Variants in HIP1 observed in about 807,000 individuals in gnomAD.
The protein encoded by HIP1 is huntingtin interacting protein 1.
HIP1 carries 65 observed loss-of-function variants against 147.6 expected under a neutral mutation model. That is an observed-to-expected ratio of 0.44 (90% CI 0.36 to 0.54). The LOEUF (loss-of-function observed/expected upper bound fraction) is 0.54, where lower values mean the gene tolerates loss of function less well. Ranked by LOEUF, HIP1 falls within the 20% of genes least tolerant of loss-of-function variation. The pLI, the probability that HIP1 is intolerant of heterozygous loss-of-function variation, is 0.00. For missense variants in HIP1, 1,061 were observed against 1,299.6 expected (o/e 0.82, Z 2.82); for synonymous variants, 479 against 504.0 (o/e 0.95, Z 0.67).
intron 1 of HIP1, chr7:75,611,885 T>C (rs1437068664): frequency 1.3e-5 from 13 of 1,015,232 alleles, no homozygotes; most frequent in Non-Finnish European, 1.5e-5. Context: ...CCAGCCTCTC[T>C]TCCTCCCTCC....
At chr7:75,570,267 C>G (rs1232894653) in intron 8 of HIP1, among the ~76,000 whole-genome samples, 1 of 147,806 alleles carries the variant, frequency 6.8e-6, no homozygotes, top group African/African-American at 2.5e-5. Flanking sequence ...AAGGTATCAA[C>G]ACTGGTTAAT....
intron 1 of HIP1, among the ~76,000 whole-genome samples, chr7:75,682,018 CTTTTTTTTTTTTTTTT>C (rs71098063): frequency 2.4e-5 from 2 of 84,214 alleles, no homozygotes; most frequent in Non-Finnish European, 4.3e-5. Context: ...GCAACAACCT[CTTTTTTTTTTTTTTTT>C]TTTTTTTTTT....
At chr7:75,554,581 C>A in intron 19 of HIP1, 55 bp from the exon 20 acceptor site, 1 of 1,330,344 alleles carries the variant, frequency 7.5e-7, no homozygotes, top group Non-Finnish European at 1.1e-6. Context: ...CTGGCTTCAT[C>A]CTCGTTAATT....
Position 75,557,749 on chromosome 7 carries a change from C to T in HIP1, c.1486G>A (p.Val496Met), listed in dbSNP as rs1554493729. 6 of 1,613,814 alleles carry T rather than the reference C, an allele frequency of 3.7e-6. No homozygotes were observed. Among genetic ancestry groups the T allele is most frequent in the Non-Finnish European group, 5.1e-6 (6 of 1,179,856 alleles). ...ACCTGGGCTTGTCTGGCCATGGACACCTGTTTGGTCACCTCTGCATTCTGC... is the reference window on the plus strand; with the variant it reads ...ACCTGGGCTTGTCTGGCCATGGACATCTGTTTGGTCACCTCTGCATTCTGC... ...LRKNAEVTKQ[V>M]SMARQAQVDL... Residue 496 changes from valine (V) to methionine (M), a missense_variant, in exon 16 of 31, where the codon GTG becomes ATG. By Grantham distance (21) the Val-to-Met change is conservative. Coordinates refer to ENST00000336926, the MANE Select transcript of HIP1 (RefSeq NM_005338.7).
chr7:75,645,725 G>T (rs1489414280), intron 1 of HIP1, among the ~76,000 whole-genome samples: 7 of 152,178 alleles, frequency 4.6e-5, no homozygotes, highest in Admixed American at 3.9e-4. Context: ...TAAGGAAAAG[G>T]TGGTACATAT....
At chr7:75,637,988 C>CACACA (rs1228093347) in intron 1 of HIP1, among the ~76,000 whole-genome samples, 1 of 48,214 alleles carries the variant, frequency 2.1e-5, no homozygotes, top group Non-Finnish European at 4.9e-5. Flanking sequence ...CCCCCCCCCC[C>CACACA]CCCCCACACA....
chr7:75,678,849 C>T (rs565547573), intron 1 of HIP1, among the ~76,000 whole-genome samples: 8 of 152,260 alleles, frequency 5.3e-5, no homozygotes, highest in Admixed American at 1.3e-4. Context: ...TTTTAAGTTC[C>T]TTCAACAGGA....
intron 7 of HIP1, among the ~76,000 whole-genome samples, chr7:75,578,978 C>G (rs1424902048): frequency 6.6e-6 from 1 of 151,762 alleles, no homozygotes. Context: ...ATCAATCACG[C>G]CTGGCTAATT....
At position 75,553,563 on chromosome 7, in the gene HIP1, C is replaced by T. The variant is rs782627453; in HGVS notation, c.2185G>A (p.Gly729Ser). 1 of 1,614,040 alleles carries T rather than the reference C, an allele frequency of 6.2e-7. No individual in the cohort carries two copies. The highest frequency in any genetic ancestry group is 1.1e-5 in the South Asian group (1 of 91,074). ...GCCAGGTAGGCGAGGGTTTCCCTGC[C>T]ATACTGCTTACAGGCCTCGGTCAGT... is the stretch of plus-strand genomic sequence containing the variant. ...DSLTEACKQY[G>S]RETLAYLASL... The change falls in exon 22 of 31, where the codon GGC (glycine) becomes AGC (serine). Residue 729 changes from glycine (G) to serine (S), a missense_variant. Gly to Ser is a moderately conservative substitution (Grantham distance 56). Around this residue, in one of 3 missense-constraint regions of HIP1, gnomAD observed 810 missense variants for 946.8 expected, o/e 0.86. Transcript: ENST00000336926.
chr7:75,603,664 G>A lies in HIP1; in HGVS notation c.121-4417C>T, dbSNP rs587624758. Among the ~76,000 whole-genome samples, 180 of 152,070 alleles carry A rather than the reference G, an allele frequency of 1.2e-3. 3 individuals are homozygous for A. The highest frequency in any genetic ancestry group is 1.6e-3 in the Non-Finnish European group (108 of 67,998). On this transcript the variant is annotated intron_variant, in intron 1 of 30. Coordinates refer to ENST00000336926, the MANE Select transcript of HIP1 (RefSeq NM_005338.7). ...GAGGTGGGAGGATCGCTTAAGGCCAGGATTTTGAGATCAGCCCGGACAACA... is the reference window on the plus strand; with the variant it reads ...GAGGTGGGAGGATCGCTTAAGGCCAAGATTTTGAGATCAGCCCGGACAACA...
intron 1 of HIP1, among the ~76,000 whole-genome samples, chr7:75,702,406 C>A (rs1800866947): frequency 6.6e-6 from 1 of 152,008 alleles, no homozygotes; most frequent in Non-Finnish European, 1.5e-5. Context: ...CCGCACCCGG[C>A]CTAATTTTTG....
rs1020851840 is a variant in HIP1 at position 75,693,409 on chromosome 7, G to A, written c.120+45392C>T. Among the ~76,000 whole-genome samples, 7 of 152,206 alleles carry A rather than the reference G, an allele frequency of 4.6e-5. No individual in the cohort carries two copies. In the East Asian group the frequency reaches 7.7e-4, roughly 17 times the overall value. ...CCCCCACGCCAGTGCCCTTGGTACCGCACTCACTTCTTCTGGCTGTCATCT... is the reference window on the plus strand; with the variant it reads ...CCCCCACGCCAGTGCCCTTGGTACCACACTCACTTCTTCTGGCTGTCATCT... On this transcript the variant is annotated intron_variant, in intron 1 of 30. Transcript: ENST00000336926.
chr7:75,572,204 A>T, intron 8 of HIP1, among the ~76,000 whole-genome samples: 1 of 147,376 alleles, frequency 6.8e-6, no homozygotes, highest in Non-Finnish European at 1.5e-5. Flanking sequence ...AGCCTGGGTG[A>T]GAGAGTGAGA....
chr7:75,638,407 G>C (rs942969645), intron 1 of HIP1, among the ~76,000 whole-genome samples: 3 of 152,038 alleles, frequency 2.0e-5, no homozygotes, highest in East Asian at 1.9e-4. Flanking sequence ...GGGCTTCTCT[G>C]GGGGAGGGCA....
At chr7:75,738,692 G>T in intron 1 of HIP1, 109 bp downstream of exon 1, 2 of 1,311,580 alleles carry the variant, frequency 1.5e-6, no homozygotes, top group Admixed American at 2.2e-5. Flanking sequence ...CTACACCCTC[G>T]CCCCGTCTTC....
chr7:75,554,216 G>A lies in HIP1; in HGVS notation c.2055C>T (p.Ile685=). The change falls in exon 21 of 31, where the codon ATC becomes ATT. Residue 685 remains isoleucine, a synonymous_variant. Coordinates refer to ENST00000336926, the MANE Select transcript of HIP1 (RefSeq NM_005338.7). The stretch of plus-strand genomic sequence containing the variant: ...GGGTTATGGAATGGAGAAGTCCACT[G>A]ATGTCTGCCAGGATTGGAAAGAGAA... ...WSQYLACPED[I]SGLLHSITLL... The A allele has an allele frequency of 6.2e-7, 1 of 1,612,764 alleles. No homozygotes were observed. The highest frequency in any genetic ancestry group is 1.1e-5 in the South Asian group (1 of 91,038).
At chr7:75,598,101 C>T (rs782108792) in intron 2 of HIP1, among the ~76,000 whole-genome samples, 1 of 152,176 alleles carries the variant, frequency 6.6e-6, no homozygotes, top group Non-Finnish European at 1.5e-5. Flanking sequence ...TTAAGGCCAA[C>T]CAACCTCTGA....
intron 1 of HIP1, among the ~76,000 whole-genome samples, chr7:75,737,215 T>C (rs1802050736): frequency 6.6e-6 from 1 of 151,518 alleles, no homozygotes; most frequent in South Asian, 2.1e-4. Flanking sequence ...TGTGAGCTAA[T>C]GCACCCAGCC....
At chr7:75,598,700 G>C (rs1449306013) in intron 2 of HIP1, among the ~76,000 whole-genome samples, 2 of 151,928 alleles carry the variant, frequency 1.3e-5, no homozygotes, top group Non-Finnish European at 2.9e-5. Context: ...ATTGCTTGAG[G>C]CCAGCTTGGG....
Sources: allele counts gnomAD v4.1 joint callset (sites outside exome capture counted in the v4.1 genomes callset), GRCh38; gene constraint gnomAD v4.1.1; regional missense constraint gnomAD v4.1.1; transcripts MANE v1.5; gene names NCBI Gene and HGNC (gene_info 2026-07-23, HGNC 2026-07-21).